CSF1R: variants seen among roughly 807,000 people sequenced by gnomAD.
CSF1R encodes colony stimulating factor 1 receptor.
In CSF1R, 40 loss-of-function variants were observed where a neutral mutation model predicts 110.0. That is an observed-to-expected ratio of 0.36 (90% CI 0.28 to 0.47). The LOEUF is 0.47. Ranked by LOEUF, CSF1R falls within the 20% of genes least tolerant of loss-of-function variation. CSF1R has a pLI of 0.99. For missense variants in CSF1R, 1,052 were observed against 1,253.0 expected (o/e 0.84, Z 2.42); for synonymous variants, 523 against 503.4 (o/e 1.04, Z -0.52).
upstream of CSF1R, among the ~76,000 whole-genome samples, chr5:150,087,879 G>A (rs954901729): frequency 6.6e-6 from 1 of 151,956 alleles, no homozygotes; most frequent in African/African-American, 2.4e-5. Context: ...GACTACAGGG[G>A]CATGTGCCAC....
At chr5:150,097,688 A>G (rs1182704398) in intron 1 of CSF1R, among the ~76,000 whole-genome samples, 2 of 152,254 alleles carry the variant, frequency 1.3e-5, no homozygotes, top group African/African-American at 4.8e-5. Flanking sequence ...ACTTAGGTAT[A>G]AATCTTACTA....
chr5:150,111,709 C>T (rs1759723633), intron 1 of CSF1R, among the ~76,000 whole-genome samples: 1 of 152,196 alleles, frequency 6.6e-6, no homozygotes, highest in Non-Finnish European at 1.5e-5. Flanking sequence ...CCATCCCTGC[C>T]ACACTGACCA....
intron 7 of CSF1R, 54 bp from the exon 8 acceptor site, chr5:150,070,356 C>T: frequency 7.5e-6 from 12 of 1,598,352 alleles, no homozygotes; most frequent in Non-Finnish European, 1.0e-5. Flanking sequence ...ACCTCCCAAT[C>T]TCCCAGTACC....
At chr5:150,108,038 G>A (rs1231062143) in intron 1 of CSF1R, among the ~76,000 whole-genome samples, 2 of 152,120 alleles carry the variant, frequency 1.3e-5, no homozygotes, top group Non-Finnish European at 2.9e-5. Context: ...GGCCCTATCT[G>A]AGTTGAGAGG....
chr5:150,061,947 G>A, intron 10 of CSF1R, 98 bp from the exon 11 acceptor site: 4 of 1,553,552 alleles, frequency 2.6e-6, no homozygotes, highest in Non-Finnish European at 3.5e-6. Context: ...GCAGTCCCAA[G>A]GCGCCCAGTG....
chr5:150,074,707 C>G (rs1330493383), intron 5 of CSF1R, among the ~76,000 whole-genome samples: 1 of 152,076 alleles, frequency 6.6e-6, no homozygotes, highest in Non-Finnish European at 1.5e-5. Context: ...TGAAATTCAC[C>G]CTTCTACACT....
In CSF1R at chr5:150,073,454, A is replaced by C. The variant is rs1462650029; in HGVS notation, c.929T>G (p.Ile310Ser). 25 of 1,614,096 alleles carry C rather than the reference A, an allele frequency of 1.5e-5. No individual in the cohort carries two copies. The highest frequency in any genetic ancestry group is 2.1e-5 in the Non-Finnish European group (25 of 1,179,994). The change falls in exon 6 of 21, where the codon ATC becomes AGC. Residue 310 changes from isoleucine (I) to serine (S), a missense_variant. By Grantham distance (142) the Ile-to-Ser change is moderately radical. Transcript: ENST00000675795. ...CCCCTCCCCCACGGTCACCTCCTGG[A>C]TGAGGTTCTGCTCAGAGCTCAAGTT... is the stretch of plus-strand genomic sequence containing the variant. ...YLNLSSEQNLIQEVTVGEGLN... is the reference protein window; with the variant it reads ...YLNLSSEQNLSQEVTVGEGLN...
chr5:150,094,196 G>A (rs1245914910), intron 1 of CSF1R: 2 of 653,414 alleles, frequency 3.1e-6, no homozygotes, highest in Non-Finnish European at 5.1e-6. Flanking sequence ...GCATAATGAG[G>A]GACATTACAT....
intron 10 of CSF1R, among the ~76,000 whole-genome samples, chr5:150,064,669 T>C (rs1310493807): frequency 6.6e-6 from 1 of 152,154 alleles, no homozygotes; most frequent in Non-Finnish European, 1.5e-5. Context: ...CCACTTCTTG[T>C]TCCTCTGTCC....
At chr5:150,076,367 T>TATCTA (rs1554103441) in intron 5 of CSF1R, among the ~76,000 whole-genome samples, 1 of 139,666 alleles carries the variant, frequency 7.2e-6, no homozygotes, top group Non-Finnish European at 1.6e-5. Flanking sequence ...TCTATCTATC[T>TATCTA]ATCTATCTAA....
intron 1 of CSF1R, among the ~76,000 whole-genome samples, chr5:150,101,062 T>C (rs1217900670): frequency 6.6e-6 from 1 of 151,350 alleles, no homozygotes; most frequent in African/African-American, 2.4e-5. Flanking sequence ...ACTTAGCAGT[T>C]GCTCTCAGAA....
At chr5:150,068,004 G>A (rs1202831792) in intron 10 of CSF1R, among the ~76,000 whole-genome samples, 1 of 152,140 alleles carries the variant, frequency 6.6e-6, no homozygotes, top group East Asian at 1.9e-4. Context: ...ATTAGCACCT[G>A]TCTCTCGCAC....
At chr5:150,074,685 T>C (rs1758184206) in intron 5 of CSF1R, among the ~76,000 whole-genome samples, 1 of 152,184 alleles carries the variant, frequency 6.6e-6, no homozygotes, top group East Asian at 1.9e-4. Flanking sequence ...TACTCTATTC[T>C]GTCTAAAAAT....
intron 1 of CSF1R, among the ~76,000 whole-genome samples, chr5:150,106,476 A>T (rs1345021283): frequency 2.6e-5 from 4 of 152,002 alleles, no homozygotes; most frequent in African/African-American, 9.7e-5. Context: ...CCCACCAGAG[A>T]GTGGAGTGGG....
chr5:150,080,373 C>A, intron 2 of CSF1R, 37 bp from the exon 3 acceptor site: 1 of 1,596,124 alleles, frequency 6.3e-7, no homozygotes, highest in South Asian at 1.1e-5. Flanking sequence ...CAACTGCCCT[C>A]CCTCCACTGG....
At chr5:150,100,243 G>A (rs972315202) in intron 1 of CSF1R, among the ~76,000 whole-genome samples, 1 of 151,628 alleles carries the variant, frequency 6.6e-6, no homozygotes, top group African/African-American at 2.4e-5. Flanking sequence ...CAGTGGGGAT[G>A]GGGGAGGGAA....
chr5:150,061,442 C>CGG, intron 12 of CSF1R, 49 bp downstream of exon 12: 2 of 909,952 alleles, frequency 2.2e-6, no homozygotes, highest in Non-Finnish European at 3.3e-6. Context: ...AGCCCACCCC[C>CGG]AGCATCTACC....
intron 5 of CSF1R, among the ~76,000 whole-genome samples, chr5:150,076,144 C>CTCTTCCTCA (rs1758249014): frequency 6.6e-6 from 1 of 152,200 alleles, no homozygotes; most frequent in African/African-American, 2.4e-5. Flanking sequence ...TATCTCCTTT[C>CTCTTCCTCA]TCTTCCTCAT....
chr5:150,069,981 C>A lies in CSF1R; in HGVS notation c.1402G>T (p.Val468Leu), dbSNP rs756493296. Residue 468 changes from valine to leucine, a missense_variant, in exon 9 of 21, where the codon GTG becomes TTG. This residue lies in a region of CSF1R where 693 missense variants were observed against 735.4 expected (regional missense o/e 0.94). Coordinates refer to ENST00000675795, the MANE Select transcript of CSF1R (RefSeq NM_001288705.3). ...GTCTCAACAGTCAGCAGGCTCTGCACCGTCACCTTGTGGAAGGGCTCCTGG... is the reference window on the plus strand; with the variant it reads ...GTCTCAACAGTCAGCAGGCTCTGCAACGTCACCTTGTGGAAGGGCTCCTGG... ...LSQEPFHKVT[V>L]QSLLTVETLE... 9.9e-6 allele frequency: 16 copies of A among 1,614,042 alleles called. No homozygotes were observed. The highest frequency in any genetic ancestry group is 1.0e-5 in the Non-Finnish European group (12 of 1,180,020).
Sources: gnomAD v4.1 joint callset for allele counts (sites outside exome capture counted in the v4.1 genomes callset) on GRCh38, gnomAD v4.1.1 for gene constraint, gnomAD v4.1.1 regional missense constraint, MANE v1.5 for transcripts, NCBI Gene and HGNC (gene_info 2026-07-23, HGNC 2026-07-21) for gene names.